Variants in DACH2 observed in about 807,000 individuals in gnomAD.
DACH2 encodes the protein dachshund family transcription factor 2.
DACH2 carries 17 observed loss-of-function variants against 35.8 expected under a neutral mutation model. The observed-to-expected ratio is 0.48, with a 90% CI of 0.33 to 0.71. DACH2 has a LOEUF of 0.71. Among genes scored for constraint, DACH2 ranks in the 30% least tolerant of loss-of-function variants. DACH2 has a pLI of 0.02. For missense variants in DACH2, 469 were observed against 472.7 expected (o/e 0.99, Z 0.07); for synonymous variants, 195 against 177.3 (o/e 1.10, Z -0.79).
At chrX:86,358,431 CCA>C (rs752012562) in intron 1 of DACH2, among the ~76,000 whole-genome samples, 10,215 of 87,215 alleles carry the variant, frequency 0.12, 570 homozygotes, top group Non-Finnish European at 0.14. Context: ...CCCAGCCCCG[CCA>C]CACACACACA....
At chrX:86,441,780 C>T (rs2037166140) in intron 2 of DACH2, among the ~76,000 whole-genome samples, 1 of 107,955 alleles carries the variant, frequency 9.3e-6, no homozygotes, top group African/African-American at 3.4e-5. Flanking sequence ...ATGAGTTCCT[C>T]TTTTTTCACA....
chrX:86,225,182 C>G (rs1275565209), intron 1 of DACH2, among the ~76,000 whole-genome samples: 1 of 111,616 alleles, frequency 9.0e-6, no homozygotes, highest in African/African-American at 3.2e-5. Context: ...TCTAAATATG[C>G]TGATCACTTG....
At chrX:86,217,553 T>C (rs1214007002) in intron 1 of DACH2, among the ~76,000 whole-genome samples, 3 of 111,868 alleles carry the variant, frequency 2.7e-5, no homozygotes, top group Non-Finnish European at 5.6e-5. Context: ...TTTATTTGAA[T>C]AGTATACTAG....
At chrX:86,229,524 G>C (rs1015819335) in intron 1 of DACH2, among the ~76,000 whole-genome samples, 1 of 111,507 alleles carries the variant, frequency 9.0e-6, no homozygotes, top group Non-Finnish European at 1.9e-5. Context: ...GTATTTTGAT[G>C]AGGATTGCAT....
At position 86,734,326 on chromosome X, in the gene DACH2, T is replaced by C. The variant is rs189581090; in HGVS notation, c.1105-5421T>C. On this transcript the variant is annotated intron_variant, in intron 6 of 11. Coordinates refer to ENST00000373125, the MANE Select transcript of DACH2 (RefSeq NM_053281.3). ...CATAATATTATATTATCTCCTCTAA[T>C]TCGGGATTGAAATTATGCCTTCAAA... Among the ~76,000 whole-genome samples the C allele has an allele frequency of 1.7e-3, 184 of 110,859 alleles. 1 individual carries two copies. Among genetic ancestry groups the C allele is most frequent in the African/African-American group, 5.8e-3 (178 of 30,609 alleles).
intron 7 of DACH2, among the ~76,000 whole-genome samples, chrX:86,749,457 A>G (rs2041749015): frequency 9.0e-6 from 1 of 111,504 alleles, no homozygotes; most frequent in Non-Finnish European, 1.9e-5. Flanking sequence ...ATCTCAGGGA[A>G]TAGAAGACCT....
At chrX:86,641,753 C>T (rs1301042269) in intron 3 of DACH2, among the ~76,000 whole-genome samples, 7 of 111,957 alleles carry the variant, frequency 6.3e-5, no homozygotes, top group Admixed American at 5.7e-4. Flanking sequence ...AACAGCAGAC[C>T]TCTCAACTGA....
At chrX:86,545,280 C>G (rs1390745612) in intron 3 of DACH2, among the ~76,000 whole-genome samples, 1 of 111,680 alleles carries the variant, frequency 9.0e-6, no homozygotes, top group Non-Finnish European at 1.9e-5. Flanking sequence ...TGACCATTAC[C>G]TTAAGCAAAC....
chrX:86,422,925 GT>G lies in DACH2; in HGVS notation c.527+46064del, dbSNP rs949754894. On this transcript the variant is annotated intron_variant, in intron 2 of 11. Coordinates refer to ENST00000373125, the MANE Select transcript of DACH2 (RefSeq NM_053281.3). ...AAATAAGTGAGAACAGGTGATGTTTGTCTTTCTGTGCCTGACTTATTTCATT... is the reference window on the plus strand; with the variant it reads ...AAATAAGTGAGAACAGGTGATGTTTGCTTTCTGTGCCTGACTTATTTCATT... Among the ~76,000 whole-genome samples, 12 of 111,308 alleles carry G rather than the reference GT, an allele frequency of 1.1e-4. 1 individual carries two copies. Among genetic ancestry groups the G allele is most frequent in the Non-Finnish European group, 2.1e-4 (11 of 52,785 alleles).
intron 1 of DACH2, among the ~76,000 whole-genome samples, chrX:86,330,397 C>T (rs2035191395): frequency 9.0e-6 from 1 of 111,173 alleles, no homozygotes; most frequent in Non-Finnish European, 1.9e-5. Flanking sequence ...CATTTTATTG[C>T]CTGCCTTAGC....
At position 86,337,857 on chromosome X, in the gene DACH2, G is replaced by T. The variant is rs189542437; in HGVS notation, c.489-38967G>T. Among the ~76,000 whole-genome samples the T allele has an allele frequency of 4.5e-3, 504 of 111,511 alleles. 3 individuals carry two copies. Among genetic ancestry groups the T allele is most frequent in the African/African-American group, 0.016 (477 of 30,674 alleles). ...GACACACACAGGCTCAAAATAAAGG[G>T]ATGTAGGATTATTTACCAAGTAAAT... On this transcript the variant is annotated intron_variant, in intron 1 of 11. Transcript: ENST00000373125.
At chrX:86,385,941 T>C (rs186441707) in intron 2 of DACH2, among the ~76,000 whole-genome samples, 25 of 111,774 alleles carry the variant, frequency 2.2e-4, no homozygotes, top group African/African-American at 6.1e-4. Flanking sequence ...CACTGAGAGT[T>C]CCCATTCACC....
At chrX:86,830,464 C>T (rs936722193) in intron 11 of DACH2, 1 of 111,634 alleles carries the variant, frequency 9.0e-6, no homozygotes, top group African/African-American at 3.2e-5. Flanking sequence ...CCTAGTTTTT[C>T]TTTCAATTTT....
intron 6 of DACH2, among the ~76,000 whole-genome samples, chrX:86,721,034 G>A (rs2041400174): frequency 8.9e-6 from 1 of 112,389 alleles, no homozygotes; most frequent in South Asian, 3.6e-4. Context: ...TGGAGCAGCT[G>A]GGACGAAGGG....
rs550468540 is a variant in DACH2, at chrX:86,749,851, T to C, written c.1240+9969T>C. ...ATGTTTTCAAATTTATAAGTGAAAT[T>C]GTTTTGTTAATTTTAATTTCAGATT... On this transcript the variant is annotated intron_variant, in intron 7 of 11. Coordinates refer to ENST00000373125, the MANE Select transcript of DACH2 (RefSeq NM_053281.3). 3.9e-4 allele frequency among the ~76,000 whole-genome samples: 43 copies of C among 111,652 alleles called. 1 individual carries two copies. Among genetic ancestry groups the C allele is most frequent in the Middle Eastern group, 9.3e-3 (2 of 216 alleles).
chrX:86,502,838 G>T (rs989256346), intron 2 of DACH2, among the ~76,000 whole-genome samples: 4 of 111,860 alleles, frequency 3.6e-5, no homozygotes, highest in African/African-American at 1.3e-4. Flanking sequence ...ACACAAATTT[G>T]TACACTTTCT....
chrX:86,815,121 C>T (rs912070102), intron 10 of DACH2, among the ~76,000 whole-genome samples: 17 of 111,610 alleles, frequency 1.5e-4, no homozygotes, highest in African/African-American at 5.5e-4. Flanking sequence ...CTGATAACCA[C>T]CCTGCACCTA....
At chrX:86,680,210 CT>C (rs1323905277) in intron 4 of DACH2, among the ~76,000 whole-genome samples, 1 of 111,763 alleles carries the variant, frequency 8.9e-6, no homozygotes, top group African/African-American at 3.2e-5. Flanking sequence ...TAACTGCATG[CT>C]TTAAAACTTT....
At chrX:86,652,661 T>G (rs1333537790) in intron 4 of DACH2, among the ~76,000 whole-genome samples, 1 of 111,905 alleles carries the variant, frequency 8.9e-6, no homozygotes, top group Non-Finnish European at 1.9e-5. Context: ...AGATGGTATC[T>G]TATTGTGGTT....
Sources: allele counts gnomAD v4.1 joint callset (sites outside exome capture counted in the v4.1 genomes callset), GRCh38; gene constraint gnomAD v4.1.1; transcripts MANE v1.5; gene names NCBI Gene and HGNC (gene_info 2026-07-23, HGNC 2026-07-21).